The following CLPTM1 variants were observed in gnomAD, a reference collection of about 807,000 sequenced individuals.
CLPTM1 encodes putative lipid scramblase CLPTM1.
A neutral mutation model predicts 77.3 loss-of-function variants in CLPTM1; 21 were observed. The observed-to-expected ratio is 0.27, with a 90% CI of 0.19 to 0.39. CLPTM1 has a LOEUF of 0.39. Among genes scored for constraint, CLPTM1 ranks in the 10% least tolerant of loss-of-function variants. The pLI, the probability that CLPTM1 is intolerant of heterozygous loss-of-function variation, is 1.00. For missense variants in CLPTM1, 642 were observed against 921.2 expected, an observed-to-expected ratio of 0.70 and a Z score of 3.92; for synonymous variants, 373 against 381.0, an observed-to-expected ratio of 0.98 and a Z score of 0.24.
rs546792040 is a variant in CLPTM1 at position 44,992,796 on chromosome 19, G to T, written c.1909G>T (p.Ala637Ser). Residue 637 changes from alanine (A) to serine (S), a missense_variant, in exon 14 of 14, where the codon GCC becomes TCC. Physicochemically the swap from Ala to Ser is moderately conservative, Grantham distance 99. Coordinates refer to ENST00000337392, the MANE Select transcript of CLPTM1 (RefSeq NM_001294.4). The surrounding 1 kb of genome is among the most constrained non-coding windows in gnomAD (Gnocchi z 7.7). Reference protein sequence around the residue: ...PTTTTATREEASTSLPTKPTQ... With the variant: ...PTTTTATREESSTSLPTKPTQ... ...CACGACCACCGCCACCAGGGAGGAGGCCTCCACGTCCCTGCCCACCAAGCC... is the reference window on the plus strand; with the variant it reads ...CACGACCACCGCCACCAGGGAGGAGTCCTCCACGTCCCTGCCCACCAAGCC... The T allele has an allele frequency of 1.9e-6, 3 of 1,613,192 alleles. No individual in the cohort carries two copies. The highest frequency in any genetic ancestry group is 2.7e-5 in the African/African-American group (2 of 75,004).
At chr19:44,969,135 C>T (rs1047549107) in intron 2 of CLPTM1, among the ~76,000 whole-genome samples, 2 of 152,202 alleles carry the variant, frequency 1.3e-5, no homozygotes, top group African/African-American at 4.8e-5. Context: ...CAGTCACTTA[C>T]TGGGTATGCA....
chr19:44,973,660 C>T lies in CLPTM1; in HGVS notation c.309+450C>T, dbSNP rs542355140. On this transcript the variant is annotated intron_variant, in intron 3 of 13. Transcript: ENST00000337392. ...ACAGGCAGGGCAGGGCTTCAGGAGC[C>T]TCCAGAGCAAAAGCATTTAGATCTG... is the stretch of plus-strand genomic sequence containing the variant. 1.2e-4 allele frequency among the ~76,000 whole-genome samples: 18 copies of T among 151,934 alleles called. 1 individual carries two copies. In the South Asian group the frequency reaches 2.5e-3, roughly 21 times the overall value.
intron 2 of CLPTM1, among the ~76,000 whole-genome samples, chr19:44,971,257 T>G (rs1425425168): frequency 6.6e-6 from 1 of 151,908 alleles, no homozygotes; most frequent in East Asian, 1.9e-4. Context: ...TTGATAAAAA[T>G]TACATGCATG....
At chr19:44,974,826 G>C (rs150228013) in intron 4 of CLPTM1, among the ~76,000 whole-genome samples, 1,763 of 152,316 alleles carry the variant, frequency 0.012, 34 homozygotes, top group African/African-American at 0.038. Flanking sequence ...GACCCTCCCA[G>C]CTACCTCTAA....
In CLPTM1 at chr19:44,992,754, C is replaced by T. The variant is rs1462112252; in HGVS notation, c.1867C>T (p.Pro623Ser). The change falls in exon 14 of 14, where the codon CCC becomes TCC. Residue 623 changes from proline (P) to serine (S), a missense_variant. By Grantham distance (74) the Pro-to-Ser change is moderately conservative. Coordinates refer to ENST00000337392, the MANE Select transcript of CLPTM1 (RefSeq NM_001294.4). The surrounding 1 kb of genome is among the most constrained non-coding windows in gnomAD (Gnocchi z 7.7). Reference sequence around the variant, plus strand: ...TCCCACAGCAGCAGGGGCCCTCACGCCCACACCTGCACCCACCACGACCAC... The same window carrying T: ...TCCCACAGCAGCAGGGGCCCTCACGTCCACACCTGCACCCACCACGACCAC... ...EVPTAAGALT[P>S]TPAPTTTTAT... is the part of the protein sequence containing the mutation. 6.2e-7 allele frequency: 1 copy of T among 1,612,712 alleles called. No homozygotes were observed.
upstream of CLPTM1, chr19:44,955,310 G>C (rs574499188): frequency 5.0e-3 from 7,048 of 1,412,774 alleles, 22 homozygotes; most frequent in Non-Finnish European, 6.0e-3. Flanking sequence ...GGCGGGGCTA[G>C]GAAAGCGTGA....
rs535206907 is a variant in CLPTM1 at position 44,957,957 on chromosome 19, G to A, written c.72+2490G>A. On this transcript the variant is annotated intron_variant, in intron 1 of 13. Coordinates refer to ENST00000337392, the MANE Select transcript of CLPTM1 (RefSeq NM_001294.4). ...TTCTAGTTGGAGCTGAATTTATAGG[G>A]GAAGCACAGACAGGGACACACAGTG... 2.6e-5 allele frequency among the ~76,000 whole-genome samples: 4 copies of A among 152,256 alleles called. No homozygotes were observed. In the East Asian group the frequency reaches 7.7e-4, roughly 29 times the overall value.
chr19:44,987,235 T>C lies in CLPTM1; in HGVS notation c.850T>C (p.Tyr284His). The C allele has an allele frequency of 6.2e-7, 1 of 1,614,216 alleles. No homozygotes were observed. Among genetic ancestry groups the C allele is most frequent in the Non-Finnish European group, 8.5e-7 (1 of 1,180,026 alleles). ...CTATCCCATCATCTACTTCAATGACTACTGGAACCTGCAGAAGGACTACTA... is the reference window on the plus strand; with the variant it reads ...CTATCCCATCATCTACTTCAATGACCACTGGAACCTGCAGAAGGACTACTA... ...DYYPIIYFND[Y>H]WNLQKDYYPI... Residue 284 changes from tyrosine to histidine, a missense_variant, in exon 8 of 14, where the codon TAC becomes CAC. By Grantham distance (83) the Tyr-to-His change is moderately conservative. This residue lies in a region of CLPTM1 where 521 missense variants were observed against 800.4 expected (regional missense o/e 0.65). Transcript: ENST00000337392.
rs1970995110 is a variant in CLPTM1 at position 44,987,307 on chromosome 19, T to C, written c.922T>C (p.Cys308Arg). Residue 308 changes from cysteine to arginine, a missense_variant, in exon 8 of 14, where the codon TGC becomes CGC. Around this residue, in one of 2 missense-constraint regions of CLPTM1, gnomAD observed 521 missense variants for 800.4 expected, o/e 0.65. Coordinates refer to ENST00000337392, the MANE Select transcript of CLPTM1 (RefSeq NM_001294.4). Reference sequence around the variant, plus strand: ...CAGCCTGCCGCTCCGCGTCTCCTTCTGCCCACTCTCGCTTTGGCGCTGGCA... The same window carrying C: ...CAGCCTGCCGCTCCGCGTCTCCTTCCGCCCACTCTCGCTTTGGCGCTGGCA... ...LASLPLRVSF[C>R]PLSLWRWQLY... 6.2e-7 allele frequency: 1 copy of C among 1,614,276 alleles called. No individual in the cohort carries two copies. The highest frequency in any genetic ancestry group is 2.2e-5 in the East Asian group (1 of 44,894).
intron 5 of CLPTM1, among the ~76,000 whole-genome samples, chr19:44,983,075 A>T (rs1447305785): frequency 1.3e-5 from 2 of 151,828 alleles, no homozygotes; most frequent in African/African-American, 2.4e-5. Context: ...AAAAAAAAAA[A>T]ATGAGGATGA....
At chr19:44,955,055 G>A, upstream of CLPTM1, 2 of 1,535,740 alleles carry the variant, frequency 1.3e-6, no homozygotes, top group Non-Finnish European at 1.7e-6. Context: ...AAGCGGACAG[G>A]ATGTCCCGAA....
In CLPTM1 at chr19:44,962,095, G is replaced by C; in HGVS notation, c.185+20G>C. ...GTTTAGGTGAGCAGACGGGACTTGG[G>C]TTTGTTCACCGAAAACATTCAAATA... On this transcript the variant is annotated intron_variant, in intron 2 of 13. Transcript: ENST00000337392. 2 of 1,454,382 alleles carry C rather than the reference G, an allele frequency of 1.4e-6. No homozygotes were observed. The highest frequency in any genetic ancestry group is 1.9e-6 in the Non-Finnish European group (2 of 1,072,386). The allele number at this position is 1,454,382 out of a possible 1,614,324, so 90.1% of individuals were successfully genotyped here.
intron 2 of CLPTM1, among the ~76,000 whole-genome samples, chr19:44,966,812 G>A (rs1461462130): frequency 6.6e-6 from 1 of 151,674 alleles, no homozygotes; most frequent in East Asian, 1.9e-4. Context: ...AAAAGCCTGA[G>A]CAACACAGTA....
intron 1 of CLPTM1, 40 bp from the exon 2 acceptor site, chr19:44,961,923 G>A: frequency 7.1e-7 from 1 of 1,405,722 alleles, no homozygotes; most frequent in South Asian, 1.3e-5. Flanking sequence ...CAGCCCCCGT[G>A]TCCATTCTCC....
At chr19:44,988,394 G>A (rs1245880272) in intron 9 of CLPTM1, among the ~76,000 whole-genome samples, 1 of 152,230 alleles carries the variant, frequency 6.6e-6, no homozygotes, top group Non-Finnish European at 1.5e-5. Context: ...GGGCTGGCCC[G>A]CTGGTGGGGC....
intron 2 of CLPTM1, among the ~76,000 whole-genome samples, chr19:44,966,891 G>C (rs1216883310): frequency 1.3e-5 from 2 of 151,970 alleles, no homozygotes; most frequent in Non-Finnish European, 2.9e-5. Context: ...GCCCAGGCTG[G>C]AGTGCAGTGG....
chr19:44,960,987 A>T (rs1288673757), intron 1 of CLPTM1, among the ~76,000 whole-genome samples: 3 of 152,198 alleles, frequency 2.0e-5, no homozygotes, highest in African/African-American at 4.8e-5. Context: ...CAAACCTGGC[A>T]TTCAGAGAGT....
rs1291147761 is a variant in CLPTM1, at chr19:44,970,040, G to T, written c.186-3047G>T. Among the ~76,000 whole-genome samples the T allele has an allele frequency of 2.7e-5, 4 of 147,432 alleles. 1 individual carries two copies. The highest frequency in any genetic ancestry group is 5.9e-5 in the Non-Finnish European group (4 of 67,690). On this transcript the variant is annotated intron_variant, in intron 2 of 13. Coordinates refer to ENST00000337392, the MANE Select transcript of CLPTM1 (RefSeq NM_001294.4). ...CGCTCATAATGTCGTTTCCTTTTGT[G>T]CCTGGCTTATCTCTGTCTGTGTCCT...
intron 8 of CLPTM1, 161 bp downstream of exon 8, chr19:44,987,584 G>C: frequency 1.0e-6 from 1 of 973,328 alleles, no homozygotes; most frequent in Non-Finnish European, 1.5e-6. Context: ...AAAGGAAGTG[G>C]GCACCCAGCC....
Sources: gnomAD v4.1 joint callset for allele counts (sites outside exome capture counted in the v4.1 genomes callset) on GRCh38, gnomAD v4.1.1 for gene constraint, gnomAD v4.1.1 regional missense constraint, Gnocchi (gnomAD v3.1) non-coding constraint, MANE v1.5 for transcripts, NCBI Gene and HGNC (gene_info 2026-07-23, HGNC 2026-07-21) for gene names.